Variants in PAX5 observed in about 807,000 individuals in gnomAD.
PAX5 encodes the protein paired box 5, also known as paired box protein Pax-5.
A neutral mutation model predicts 43.7 loss-of-function variants in PAX5; 9 were observed. The observed-to-expected ratio is 0.21, with a 90% CI of 0.12 to 0.36. The LOEUF (loss-of-function observed/expected upper bound fraction) is 0.36. Ranked by LOEUF, PAX5 falls within the 10% of genes least tolerant of loss-of-function variation. The probability of loss-of-function intolerance (pLI) is 1.00; values close to 1 mark genes in which losing one functional copy is unlikely to be tolerated. For missense variants in PAX5, 383 were observed against 532.7 expected (o/e 0.72, Z 2.77); for synonymous variants, 228 against 214.3 (o/e 1.06, Z -0.56).
intron 5 of PAX5, among the ~76,000 whole-genome samples, chr9:36,973,095 G>T (rs1588120709): frequency 3.2e-5 from 3 of 94,396 alleles, no homozygotes; most frequent in African/African-American, 8.8e-5. Flanking sequence ...GAAAGGAAAG[G>T]AAAGGAAAGG....
rs1588173984 is a variant in PAX5, at chr9:36,995,996, T to C, written c.604+6652A>G. On this transcript the variant is annotated intron_variant, in intron 5 of 9. Coordinates refer to ENST00000358127, the MANE Select transcript of PAX5 (RefSeq NM_016734.3). Reference sequence around the variant, plus strand: ...GAGGAGGAAAGTGAGTGGCCCTTCATTCTGCAGCCGACACCTGGGGGCACT... The same window carrying C: ...GAGGAGGAAAGTGAGTGGCCCTTCACTCTGCAGCCGACACCTGGGGGCACT... Among the ~76,000 whole-genome samples the C allele has an allele frequency of 5.3e-5, 8 of 152,358 alleles. No individual in the cohort carries two copies. The South Asian group carries it at 1.7e-3, about 32-fold the overall frequency.
At chr9:36,991,984 C>T (rs1836983879) in intron 5 of PAX5, among the ~76,000 whole-genome samples, 1 of 152,210 alleles carries the variant, frequency 6.6e-6, no homozygotes, top group Non-Finnish European at 1.5e-5. Context: ...TGTTCTCCCT[C>T]TCCCACAGTT....
At position 36,955,956 on chromosome 9, in the gene PAX5, T is replaced by G. The variant is rs951549183; in HGVS notation, c.780+10593A>C. Among the ~76,000 whole-genome samples, 7 of 152,176 alleles carry G rather than the reference T, an allele frequency of 4.6e-5. No homozygotes were observed. The East Asian group carries it at 1.3e-3, about 29-fold the overall frequency. ...TTTACAAAACAATAAATGTTTATTT[T>G]TATTGTTTTTTAAGAGTTTTGTAAA... On this transcript the variant is annotated intron_variant, in intron 6 of 9. Transcript: ENST00000358127.
intron 7 of PAX5, among the ~76,000 whole-genome samples, chr9:36,890,920 C>A (rs559304345): frequency 1.3e-5 from 2 of 152,290 alleles, no homozygotes; most frequent in South Asian, 4.1e-4. Flanking sequence ...AGGAGGATCA[C>A]CTGAGGTCAG....
Position 37,015,327 on chromosome 9 carries a change from C to T in PAX5, c.213-133G>A, listed in dbSNP as rs1293347761. On this transcript the variant is annotated intron_variant, in intron 2 of 9. Transcript: ENST00000358127. The surrounding 1 kb of genome is among the most constrained non-coding windows in gnomAD (Gnocchi z 4.4). Reference sequence around the variant, plus strand: ...CAATACAGTAGCCACCAGCCAGATGCGGCTTTTGAACATTTGAAATATGGC... The same window carrying T: ...CAATACAGTAGCCACCAGCCAGATGTGGCTTTTGAACATTTGAAATATGGC... The T allele has an allele frequency of 8.6e-6, 6 of 696,424 alleles. No individual in the cohort carries two copies. Among genetic ancestry groups the T allele is most frequent in the South Asian group, 4.1e-5 (2 of 49,192 alleles). The allele number at this position is 696,424 out of a possible 1,614,324, so 43.1% of individuals were successfully genotyped here.
At chr9:37,002,552 G>A (rs1248088159) in intron 5 of PAX5, 96 bp downstream of exon 5, 13 of 1,326,028 alleles carry the variant, frequency 9.8e-6, no homozygotes, top group Middle Eastern at 2.5e-4. Flanking sequence ...AGGTAAGGGG[G>A]GTGTTCGCGG....
At chr9:36,855,255 G>T (rs1417385632) in intron 8 of PAX5, among the ~76,000 whole-genome samples, 3 of 152,226 alleles carry the variant, frequency 2.0e-5, no homozygotes, top group African/African-American at 7.2e-5. Context: ...CCTGGTGTTT[G>T]AAAGGGGCAA....
chr9:36,845,366 A>G (rs1303903459), intron 9 of PAX5, among the ~76,000 whole-genome samples: 1 of 152,230 alleles, frequency 6.6e-6, no homozygotes, highest in Non-Finnish European at 1.5e-5. Context: ...CCTAAGACAG[A>G]CGTCTGGGTC....
chr9:36,953,446 C>T (rs1833178700), intron 6 of PAX5, among the ~76,000 whole-genome samples: 1 of 152,138 alleles, frequency 6.6e-6, no homozygotes, highest in African/African-American at 2.4e-5. Flanking sequence ...CTTCCGGCAA[C>T]CTAATTATAA....
chr9:37,023,272 G>A (rs946911487), intron 1 of PAX5, among the ~76,000 whole-genome samples: 2 of 152,156 alleles, frequency 1.3e-5, no homozygotes, highest in Admixed American at 6.5e-5. Flanking sequence ...GAAAATGGAG[G>A]AAGCCCAGGA....
chr9:36,875,301 G>A (rs963312098), intron 8 of PAX5, among the ~76,000 whole-genome samples: 7 of 152,230 alleles, frequency 4.6e-5, no homozygotes, highest in South Asian at 2.1e-4. Context: ...TCCTGAGTGC[G>A]ACTAGGTGCT....
intron 1 of PAX5, among the ~76,000 whole-genome samples, chr9:37,027,161 C>G (rs1840470910): frequency 6.6e-6 from 1 of 152,244 alleles, no homozygotes; most frequent in Admixed American, 6.5e-5. Context: ...AACTGGCTCT[C>G]CGACGTCTCG....
At chr9:36,867,812 C>T in intron 8 of PAX5, among the ~76,000 whole-genome samples, 1 of 152,156 alleles carries the variant, frequency 6.6e-6, no homozygotes, top group Admixed American at 6.5e-5. Context: ...GTGCCCGTTG[C>T]ACATAGACTC....
At position 37,015,020 on chromosome 9, in the gene PAX5, C is replaced by T. The variant is rs766395882; in HGVS notation, c.387G>A (p.Val129=). The T allele has an allele frequency of 2.9e-5, 46 of 1,613,982 alleles. 1 individual carries two copies. Among genetic ancestry groups the T allele is most frequent in the Non-Finnish European group, 3.8e-5 (45 of 1,180,010 alleles). Residue 129 remains valine, a synonymous_variant, in exon 3 of 10, where the codon GTG becomes GTA. Transcript: ENST00000358127. The surrounding 1 kb of genome is among the most constrained non-coding windows in gnomAD (Gnocchi z 4.4). ...ACCTGTTGATGGAACTGACGCTAGG[C>T]ACGGTGTCATTGTCACACACCCGCT... ...LAERVCDNDT[V]PSVSSINRII... is the part of the protein sequence containing the mutation.
At chr9:36,964,150 G>A (rs944458924) in intron 6 of PAX5, among the ~76,000 whole-genome samples, 7 of 151,718 alleles carry the variant, frequency 4.6e-5, no homozygotes, top group Non-Finnish European at 7.4e-5. Flanking sequence ...GCATGGTGGC[G>A]GGTGCCTGTA....
chr9:36,866,118 G>A (rs981995393), intron 8 of PAX5, among the ~76,000 whole-genome samples: 2 of 152,224 alleles, frequency 1.3e-5, no homozygotes, highest in African/African-American at 4.8e-5. Context: ...CAATTATGGA[G>A]GAAACCAGCG....
At chr9:36,850,470 G>T (rs1037872105) in intron 8 of PAX5, among the ~76,000 whole-genome samples, 6 of 152,200 alleles carry the variant, frequency 3.9e-5, no homozygotes, top group African/African-American at 1.4e-4. Flanking sequence ...TCTGTCTTTT[G>T]TTGCGGCCTC....
At chr9:36,867,893 G>C (rs934248520) in intron 8 of PAX5, among the ~76,000 whole-genome samples, 2 of 152,196 alleles carry the variant, frequency 1.3e-5, no homozygotes, top group African/African-American at 4.8e-5. Flanking sequence ...CCCGCATTCA[G>C]GGAGGACATC....
chr9:36,990,435 C>A (rs1836830762), intron 5 of PAX5, among the ~76,000 whole-genome samples: 1 of 152,168 alleles, frequency 6.6e-6, no homozygotes, highest in South Asian at 2.1e-4. Context: ...GGCCTGGCAG[C>A]CTTGTTAAGA....
Sources: allele counts gnomAD v4.1 joint callset (sites outside exome capture counted in the v4.1 genomes callset), GRCh38; gene constraint gnomAD v4.1.1; non-coding constraint Gnocchi (gnomAD v3.1); transcripts MANE v1.5; gene names NCBI Gene and HGNC (gene_info 2026-07-23, HGNC 2026-07-21).